Variants in MPDZ observed in about 807,000 individuals in gnomAD.
MPDZ encodes multiple PDZ domain protein.
MPDZ carries 234 observed loss-of-function variants against 239.1 expected under a neutral mutation model. The observed-to-expected ratio is 0.98, with a 90% CI of 0.88 to 1.09. The LOEUF (loss-of-function observed/expected upper bound fraction) is 1.09. MPDZ is among the 50% of genes least tolerant of loss of function. The pLI, the probability that MPDZ is intolerant of heterozygous loss-of-function variation, is 0.00. For synonymous variants in MPDZ, 1,048 were observed against 881.3 expected, an observed-to-expected ratio of 1.19 and a Z score of -3.35; for missense variants, 3,175 against 2,510.0, an observed-to-expected ratio of 1.26 and a Z score of -5.66.
At chr9:13,196,916 T>C (rs1955722297) in intron 12 of MPDZ, among the ~76,000 whole-genome samples, 2 of 151,898 alleles carry the variant, frequency 1.3e-5, no homozygotes, top group Admixed American at 1.3e-4. Context: ...CAGTTCTTAC[T>C]CGTAAGATTT....
At chr9:13,177,773 G>A (rs546223902) in intron 19 of MPDZ, among the ~76,000 whole-genome samples, 2 of 152,224 alleles carry the variant, frequency 1.3e-5, no homozygotes, top group South Asian at 4.1e-4. Flanking sequence ...GAAATTAATA[G>A]AAACTAATAC....
At position 13,125,103 on chromosome 9, in the gene MPDZ, T is replaced by C. The variant is rs111276640; in HGVS notation, c.4807+113A>G. 9.8e-4 allele frequency: 997 copies of C among 1,012,260 alleles called. 7 individuals are homozygous for C. The African/African-American group carries it at 0.014, about 15-fold the overall frequency. The allele number at this position is 1,012,260 out of a possible 1,614,324, so 62.7% of individuals were successfully genotyped here. A position where few individuals can be genotyped will look rare whatever the true frequency, so the allele number is the denominator to read the frequency against. ...TGCCCTCACCATAGGGCTCCCTGAC[T>C]ACAACCTTCCAAACAGTGAGCCACA... On this transcript the variant is annotated intron_variant, in intron 35 of 46. Transcript: ENST00000319217.
intron 46 of MPDZ, among the ~76,000 whole-genome samples, chr9:13,107,867 T>A (rs1941744976): frequency 6.6e-6 from 1 of 152,140 alleles, no homozygotes; most frequent in Non-Finnish European, 1.5e-5. Flanking sequence ...ATGATGAAAT[T>A]CTTAAAATAT....
intron 9 of MPDZ, 105 bp downstream of exon 9, chr9:13,217,075 T>C (rs551733788): frequency 4.4e-6 from 4 of 916,646 alleles, no homozygotes; most frequent in East Asian, 2.7e-5. Context: ...TTTCAACCAG[T>C]TTATCCAACA....
chr9:13,228,340 C>T (rs1456291715), intron 3 of MPDZ, among the ~76,000 whole-genome samples: 1 of 151,928 alleles, frequency 6.6e-6, no homozygotes, highest in Non-Finnish European at 1.5e-5. Flanking sequence ...AAATATTATA[C>T]AACTTATTCA....
At chr9:13,143,697 A>T in intron 26 of MPDZ, 133 bp from the exon 27 acceptor site, 1 of 713,722 alleles carries the variant, frequency 1.4e-6, no homozygotes. Flanking sequence ...AGTCATTAAT[A>T]GCAACATCTT....
chr9:13,158,036 T>G lies in MPDZ; in HGVS notation c.3434A>C (p.Asn1145Thr). Reference sequence around the variant, plus strand: ...TCCTTACCGCCTGGGCTGATTCCAATTGCTATATGCTGTGTTTTGAAGTTC... The same window carrying G: ...TCCTTACCGCCTGGGCTGATTCCAAGTGCTATATGCTGTGTTTTGAAGTTC... ...ESELQNTAYSNWNQPRRVELW... is the reference protein window; with the variant it reads ...ESELQNTAYSTWNQPRRVELW... The change falls in exon 24 of 47, where the codon AAT becomes ACT. Residue 1145 changes from asparagine (N) to threonine (T), a missense_variant. Transcript: ENST00000319217. The G allele has an allele frequency of 6.2e-7, 1 of 1,612,684 alleles. No individual in the cohort carries two copies. Among genetic ancestry groups the G allele is most frequent in the Non-Finnish European group, 8.5e-7 (1 of 1,179,130 alleles).
intron 1 of MPDZ, among the ~76,000 whole-genome samples, chr9:13,251,864 G>A (rs1968131227): frequency 6.6e-6 from 1 of 152,156 alleles, no homozygotes; most frequent in African/African-American, 2.4e-5. Context: ...TTTAAAAAGT[G>A]CCTTTGTGTC....
chr9:13,178,469 C>G (rs1461656147), intron 19 of MPDZ, among the ~76,000 whole-genome samples: 1 of 152,104 alleles, frequency 6.6e-6, no homozygotes, highest in Non-Finnish European at 1.5e-5. Flanking sequence ...TTAACACTCT[C>G]TTCATATTCT....
chr9:13,205,863 A>C, intron 11 of MPDZ, 53 bp downstream of exon 11: 2 of 1,449,238 alleles, frequency 1.4e-6, no homozygotes, highest in Non-Finnish European at 1.8e-6. Flanking sequence ...AATTTAAAAA[A>C]AATTGGAGAC....
chr9:13,107,084 T>A lies in MPDZ; in HGVS notation c.6094A>T (p.Lys2032Ter), dbSNP rs749135989. The change falls in exon 47 of 47, where the codon AAA becomes TAA. Residue 2032 changes from lysine (K) to a stop codon, truncating the protein, a stop_gained. Coordinates refer to ENST00000319217, the MANE Select transcript of MPDZ (RefSeq NM_001378778.1). LOFTEE classifies it high-confidence loss of function. ...ACAGCAATGATCTGATCGCCCCTTT[T>A]CAGACGTCCGTCTTCAGAGGCTGCT... ...KGAASEDGRL[K>*]RGDQIIAVNG... 2.0e-5 allele frequency: 31 copies of A among 1,582,548 alleles called. No individual in the cohort carries two copies. The Admixed American group carries it at 4.4e-4, about 22-fold the overall frequency.
Position 13,109,952 on chromosome 9 carries a change from C to T in MPDZ, c.5942G>A (p.Gly1981Glu), listed in dbSNP as rs1942156876. ...CACTAATCATCATGTATGAACTCACCCTAAATCATCCTGAAATATACTGCT... is the reference window on the plus strand; with the variant it reads ...CACTAATCATCATGTATGAACTCACTCTAAATCATCCTGAAATATACTGCT... ...TSSSIFQDDLGPPQCKSITLE... is the reference protein window; with the variant it reads ...TSSSIFQDDLEPPQCKSITLE... The change falls in exon 45 of 47, where the codon GGA (glycine) becomes GAA (glutamate). Residue 1981 changes from glycine (G) to glutamate (E), a missense_variant and splice_region_variant. Gly to Glu is a moderately conservative substitution (Grantham distance 98, BLOSUM62 -2). Coordinates refer to ENST00000319217, the MANE Select transcript of MPDZ (RefSeq NM_001378778.1). 6.2e-7 allele frequency: 1 copy of T among 1,610,360 alleles called. No individual in the cohort carries two copies. The highest frequency in any genetic ancestry group is 8.5e-7 in the Non-Finnish European group (1 of 1,178,078).
intron 43 of MPDZ, among the ~76,000 whole-genome samples, chr9:13,111,448 A>T (rs960519453): frequency 6.6e-6 from 1 of 152,170 alleles, no homozygotes; most frequent in Non-Finnish European, 1.5e-5. Flanking sequence ...AACCATAGAG[A>T]TTTTGCTTTA....
chr9:13,221,405 T>G lies in MPDZ; in HGVS notation c.843A>C (p.Val281=). ...IIGGKATGVI[V]KTILPGGVAD... ...CTACTCCTCCAGGCAGAATGGTTTT[T>G]ACTATCACACCAGTTGCTTTTCCTC... Residue 281 remains valine, a synonymous_variant, in exon 7 of 47, where the codon GTA becomes GTC. Coordinates refer to ENST00000319217, the MANE Select transcript of MPDZ (RefSeq NM_001378778.1). The G allele has an allele frequency of 6.2e-7, 1 of 1,610,732 alleles. No individual in the cohort carries two copies. The highest frequency in any genetic ancestry group is 1.1e-5 in the South Asian group (1 of 90,804).
At chr9:13,234,011 A>G (rs997380974) in intron 3 of MPDZ, among the ~76,000 whole-genome samples, 3 of 112,010 alleles carry the variant, frequency 2.7e-5, no homozygotes, top group Non-Finnish European at 5.5e-5. Context: ...TCTCTGTAAT[A>G]CATTTAGATT....
chr9:13,245,492 C>G (rs1211450884), intron 3 of MPDZ, among the ~76,000 whole-genome samples: 2 of 151,122 alleles, frequency 1.3e-5, no homozygotes, highest in Non-Finnish European at 2.9e-5. Flanking sequence ...CTCTTATAAT[C>G]AAGTCACTTA....
intron 36 of MPDZ, 144 bp downstream of exon 36, chr9:13,123,009 T>A (rs1372463768): frequency 1.8e-5 from 15 of 842,324 alleles, no homozygotes; most frequent in Non-Finnish European, 2.6e-5. Flanking sequence ...AATTGAATAT[T>A]TGCCCTATAA....
In MPDZ at chr9:13,106,415, T is replaced by C. The variant is rs1022405758; in HGVS notation, c.*550A>G. 8 of 152,178 alleles carry C rather than the reference T, an allele frequency of 5.3e-5. No individual in the cohort carries two copies. The highest frequency in any genetic ancestry group is 2.1e-4 in the South Asian group (1 of 4,832). 9.4% of individuals were successfully genotyped at this position (152,178 alleles called of 1,614,324 possible). On this transcript the variant is annotated 3_prime_UTR_variant, in exon 47 of 47. Coordinates refer to ENST00000319217, the MANE Select transcript of MPDZ (RefSeq NM_001378778.1). ...GCATATTAGAGGTGGGGAGATGCAA[T>C]GTTTTTATAATACTGTTGAAAATTT...
At chr9:13,262,907 C>T (rs574537740) in intron 1 of MPDZ, among the ~76,000 whole-genome samples, 1 of 152,094 alleles carries the variant, frequency 6.6e-6, no homozygotes, top group African/African-American at 2.4e-5. Context: ...TACATACTTT[C>T]ATCGTATTCA....
Sources: gnomAD v4.1 joint callset for allele counts (sites outside exome capture counted in the v4.1 genomes callset) on GRCh38, gnomAD v4.1.1 for gene constraint, MANE v1.5 for transcripts, NCBI Gene and HGNC (gene_info 2026-07-23, HGNC 2026-07-21) for gene names.